The following DAB1 variants were observed in gnomAD, a reference collection of about 807,000 sequenced individuals.
DAB1 encodes the protein disabled homolog 1.
A neutral mutation model predicts 64.6 loss-of-function variants in DAB1; 15 were observed. The observed-to-expected ratio is 0.23, with a 90% CI of 0.16 to 0.36. The LOEUF (loss-of-function observed/expected upper bound fraction) is 0.36, where lower values mean the gene tolerates loss of function less well. DAB1 is among the 10% of genes least tolerant of loss of function. The pLI, the probability that DAB1 is intolerant of heterozygous loss-of-function variation, is 1.00. For synonymous variants in DAB1, 235 were observed against 251.9 expected (o/e 0.93, Z 0.64); for missense variants, 596 against 706.7 (o/e 0.84, Z 1.78).
chr1:58,229,362 T>C (rs1480469979), intron 4 of DAB1, among the ~76,000 whole-genome samples: 2 of 152,140 alleles, frequency 1.3e-5, no homozygotes, highest in Non-Finnish European at 2.9e-5. Flanking sequence ...CAAATACACT[T>C]AGAAGCACAG....
intron 7 of DAB1, among the ~76,000 whole-genome samples, chr1:57,637,980 T>C (rs1398366372): frequency 6.6e-6 from 1 of 152,196 alleles, no homozygotes; most frequent in African/African-American, 2.4e-5. Context: ...CTGAGAGTAT[T>C]TGGCAGCATA....
At chr1:58,485,327 T>C (rs1645559659) in intron 3 of DAB1, among the ~76,000 whole-genome samples, 1 of 151,864 alleles carries the variant, frequency 6.6e-6, no homozygotes, top group African/African-American at 2.4e-5. Context: ...TACATGCTTT[T>C]TGTGCTCATG....
intron 2 of DAB1, among the ~76,000 whole-genome samples, chr1:57,251,900 C>T (rs1037379714): frequency 3.9e-5 from 6 of 152,296 alleles, no homozygotes; most frequent in East Asian, 1.9e-4. Context: ...TGACCTCTGT[C>T]GTGACAGCCC....
At chr1:57,387,413 AT>A (rs1377584985) in intron 1 of DAB1, 1 of 152,194 alleles carries the variant, frequency 6.6e-6, no homozygotes, top group Non-Finnish European at 1.5e-5. Flanking sequence ...TGAACTTCGT[AT>A]CTTTTGCATT....
chr1:58,495,229 T>C (rs1020578237), intron 3 of DAB1, among the ~76,000 whole-genome samples: 2 of 151,740 alleles, frequency 1.3e-5, no homozygotes, highest in South Asian at 2.1e-4. Context: ...TGAGAACACA[T>C]GGACACAGGA....
intron 1 of DAB1, among the ~76,000 whole-genome samples, chr1:57,833,135 T>G (rs1652663516): frequency 6.6e-6 from 1 of 152,046 alleles, no homozygotes; most frequent in African/African-American, 2.4e-5. Flanking sequence ...ACTTACAAAT[T>G]TGCTCCCAAT....
At chr1:57,943,788 C>T (rs867652932) in intron 5 of DAB1, among the ~76,000 whole-genome samples, 9 of 152,204 alleles carry the variant, frequency 5.9e-5, no homozygotes, top group African/African-American at 2.2e-4. Context: ...CATACTCATA[C>T]CCGAGATTTA....
chr1:57,508,834 ATATT>A (rs1233133191), intron 7 of DAB1, among the ~76,000 whole-genome samples: 1 of 152,156 alleles, frequency 6.6e-6, no homozygotes, highest in East Asian at 1.9e-4. Flanking sequence ...GTGTGTATGA[ATATT>A]TATATATGTA....
At chr1:57,706,623 T>C (rs778573961) in intron 6 of DAB1, among the ~76,000 whole-genome samples, 1 of 152,120 alleles carries the variant, frequency 6.6e-6, no homozygotes, top group Non-Finnish European at 1.5e-5. Context: ...ACTACTCACA[T>C]GTTTATCAAT....
At chr1:57,670,914 C>T (rs956462196) in intron 6 of DAB1, among the ~76,000 whole-genome samples, 15 of 152,116 alleles carry the variant, frequency 9.9e-5, no homozygotes, top group African/African-American at 3.6e-4. Context: ...ATGTCCCTTA[C>T]ATAAAATGGC....
rs537238721 is a variant in DAB1 at position 57,075,570 on chromosome 1, C to T, written c.307-3156G>A. Among the ~76,000 whole-genome samples, 11 of 152,296 alleles carry T rather than the reference C, an allele frequency of 7.2e-5. No homozygotes were observed. In the South Asian group the frequency reaches 2.3e-3, roughly 32 times the overall value. The stretch of plus-strand genomic sequence containing the variant: ...CAAATACATTAGAATTCTGCTAATC[C>T]TACAATTGCATTATCACATTCGCTT... On this transcript the variant is annotated intron_variant, in intron 4 of 14. Coordinates refer to ENST00000371236, the MANE Select transcript of DAB1 (RefSeq NM_001365792.1).
intron 6 of DAB1, among the ~76,000 whole-genome samples, chr1:57,760,615 C>CTT (rs1443612428): frequency 3.7e-4 from 43 of 115,492 alleles, no homozygotes; most frequent in Admixed American, 2.5e-3. Flanking sequence ...CTCTCTCTCT[C>CTT]TCTCTCACAC....
At chr1:57,066,044 C>A (rs990330114) in intron 8 of DAB1, among the ~76,000 whole-genome samples, 1 of 152,168 alleles carries the variant, frequency 6.6e-6, no homozygotes, top group African/African-American at 2.4e-5. Context: ...TTTATTTTGG[C>A]AGCATGTTAA....
chr1:57,214,880 C>T (rs1469419845), intron 2 of DAB1, among the ~76,000 whole-genome samples: 1 of 130,718 alleles, frequency 7.7e-6, no homozygotes, highest in Non-Finnish European at 1.5e-5. Flanking sequence ...CACTGCACTC[C>T]AGCCTGGGCG....
intron 5 of DAB1, among the ~76,000 whole-genome samples, chr1:57,976,700 C>T (rs761759769): frequency 1.1e-4 from 16 of 152,174 alleles, no homozygotes; most frequent in Non-Finnish European, 2.1e-4. Context: ...AACTGCATTG[C>T]TTCTGGCCCC....
At chr1:57,989,967 T>TC (rs1449794292) in intron 5 of DAB1, among the ~76,000 whole-genome samples, 1 of 152,174 alleles carries the variant, frequency 6.6e-6, no homozygotes, top group Non-Finnish European at 1.5e-5. Context: ...AAGAGGTAAA[T>TC]CAGGCACCAT....
At chr1:57,496,502 T>A (rs1644232377) in intron 7 of DAB1, among the ~76,000 whole-genome samples, 1 of 152,160 alleles carries the variant, frequency 6.6e-6, no homozygotes, top group Admixed American at 6.5e-5. Context: ...CACACTACAA[T>A]TTATGCAAAA....
At chr1:57,079,874 C>T (rs1000625994) in intron 4 of DAB1, among the ~76,000 whole-genome samples, 10 of 152,182 alleles carry the variant, frequency 6.6e-5, no homozygotes, top group Admixed American at 1.3e-4. Context: ...TCTACTTCCT[C>T]GACTTTTCCA....
At chr1:57,896,614 C>T (rs1239752787) in intron 5 of DAB1, among the ~76,000 whole-genome samples, 1 of 152,142 alleles carries the variant, frequency 6.6e-6, no homozygotes, top group African/African-American at 2.4e-5. Flanking sequence ...CTGTGTGATC[C>T]TGGGCAAGTT....
Sources: allele counts gnomAD v4.1 joint callset (sites outside exome capture counted in the v4.1 genomes callset), GRCh38; gene constraint gnomAD v4.1.1; transcripts MANE v1.5; gene names NCBI Gene and HGNC (gene_info 2026-07-23, HGNC 2026-07-21).